Variants in PHC2 observed in about 807,000 individuals in gnomAD.
PHC2 encodes polyhomeotic-like protein 2.
Under a neutral mutation model 87.4 loss-of-function variants are expected in PHC2, and 29 were observed. The ratio of observed to expected loss-of-function variants is 0.33; its 90% CI spans 0.25 to 0.45. PHC2 has a LOEUF of 0.45. Among genes scored for constraint, PHC2 ranks in the 20% least tolerant of loss-of-function variants. The pLI is 1.00. For missense variants in PHC2, 857 were observed against 1,136.7 expected (o/e 0.75, Z 3.54); for synonymous variants, 438 against 461.7 (o/e 0.95, Z 0.66).
At chr1:33,370,974 C>T (rs916367351) in intron 4 of PHC2, 43 bp downstream of exon 4, 3 of 1,544,430 alleles carry the variant, frequency 1.9e-6, no homozygotes, top group Admixed American at 1.7e-5. Flanking sequence ...GCATTTTGGT[C>T]CTGGGGCTGT....
intron 9 of PHC2, among the ~76,000 whole-genome samples, 181 bp downstream of exon 9, chr1:33,354,220 C>T (rs974419875): frequency 2.6e-5 from 4 of 152,140 alleles, no homozygotes; most frequent in Non-Finnish European, 4.4e-5. Context: ...TAATATCTTC[C>T]GTGTCTCAAT....
intron 1 of PHC2, among the ~76,000 whole-genome samples, chr1:33,425,371 T>G (rs1296119867): frequency 6.6e-6 from 1 of 152,242 alleles, no homozygotes; most frequent in Non-Finnish European, 1.5e-5. Context: ...ACCTACGTTT[T>G]ATAAAGAATA....
At chr1:33,356,621 A>C (rs61801973) in intron 7 of PHC2, among the ~76,000 whole-genome samples, 42,647 of 151,962 alleles carry the variant, frequency 0.28, 6,795 homozygotes, top group Admixed American at 0.44. Context: ...AAGGTTATAG[A>C]TTAACAGCAT....
At chr1:33,339,602 C>T (rs1017342731) in intron 9 of PHC2, among the ~76,000 whole-genome samples, 1 of 152,170 alleles carries the variant, frequency 6.6e-6, no homozygotes, top group East Asian at 1.9e-4. Flanking sequence ...GGCAGGGAGG[C>T]TCCTAGGACC....
At chr1:33,384,427 G>C (rs1470682864) in intron 1 of PHC2, among the ~76,000 whole-genome samples, 27 of 152,240 alleles carry the variant, frequency 1.8e-4, no homozygotes, top group Admixed American at 1.8e-3. Context: ...TAGAATTTGA[G>C]ATGGGAAGAG....
At chr1:33,404,246 C>G (rs2148381570) in intron 1 of PHC2, among the ~76,000 whole-genome samples, 1 of 152,244 alleles carries the variant, frequency 6.6e-6, no homozygotes, top group East Asian at 1.9e-4. Context: ...AACAAATAGG[C>G]TTTTGTTTTT....
chr1:33,370,484 C>G lies in PHC2; in HGVS notation c.513G>C (p.Leu171Phe). 2 of 1,614,142 alleles carry G rather than the reference C, an allele frequency of 1.2e-6. No homozygotes were observed. Among genetic ancestry groups the G allele is most frequent in the Non-Finnish European group, 1.7e-6 (2 of 1,180,018 alleles). ...TCAGGGCTGGGGAAGACGTGTTGCCCAAGAGCACAGCCTGCTGAGCGATGC... is the reference window on the plus strand; with the variant it reads ...TCAGGGCTGGGGAAGACGTGTTGCCGAAGAGCACAGCCTGCTGAGCGATGC... ...ASGIAQQAVL[L>F]GNTSSPALTA... Residue 171 changes from leucine (L) to phenylalanine (F), a missense_variant, in exon 5 of 15, where the codon TTG becomes TTC. Leu to Phe is a conservative substitution (Grantham distance 22). Coordinates refer to ENST00000683057, the MANE Select transcript of PHC2 (RefSeq NM_001385109.1).
At chr1:33,325,050 T>C (rs1646339832) in intron 14 of PHC2, 31 bp from the exon 15 acceptor site, 1 of 1,576,008 alleles carries the variant, frequency 6.3e-7, no homozygotes. Flanking sequence ...ACAGTGTCAA[T>C]CCAAGCCGCC....
At chr1:33,414,160 T>G (rs192610808) in intron 1 of PHC2, among the ~76,000 whole-genome samples, 29 of 147,312 alleles carry the variant, frequency 2.0e-4, no homozygotes, top group Admixed American at 6.3e-4. Flanking sequence ...TGTTTACATA[T>G]GTATTCTCTC....
chr1:33,355,100 T>TGGG lies in PHC2; in HGVS notation c.1127_1129dup (p.Pro376dup). 4 of 1,611,230 alleles carry TGGG rather than the reference T, an allele frequency of 2.5e-6. No individual in the cohort carries two copies. The highest frequency in any genetic ancestry group is 3.4e-6 in the Non-Finnish European group (4 of 1,178,940). ...CACGCTTGGAGAGACTGAGGCGAGC[T>TGGG]GGGGGTGGGGCTCAGCTTGGAGCAC... On this transcript the variant is annotated inframe_insertion, in exon 8 of 15. Transcript: ENST00000683057.
intron 7 of PHC2, among the ~76,000 whole-genome samples, chr1:33,358,495 C>T (rs559622192): frequency 8.1e-4 from 124 of 152,282 alleles, no homozygotes; most frequent in South Asian, 1.9e-3. Flanking sequence ...TGATTTAACT[C>T]CAGCATTATC....
rs147050739 is a variant in PHC2 at position 33,412,317 on chromosome 1, G to C, written c.-55+18659C>G. Among the ~76,000 whole-genome samples, 239 of 152,324 alleles carry C rather than the reference G, an allele frequency of 1.6e-3. 1 individual carries two copies. The East Asian group carries it at 0.019, about 12-fold the overall frequency. On this transcript the variant is annotated intron_variant, in intron 1 of 14. Transcript: ENST00000683057. ...AGTAACTGGAAGAGCCAGAATTCTA[G>C]TTAGATTGGCCCTGGAGCCTTTCTC...
intron 1 of PHC2, among the ~76,000 whole-genome samples, chr1:33,423,105 C>G (rs1343548977): frequency 2.0e-5 from 3 of 152,056 alleles, no homozygotes; most frequent in Admixed American, 2.0e-4. Flanking sequence ...AGGCTGGAAC[C>G]CCAGCATTAT....
At chr1:33,345,983 A>G in intron 9 of PHC2, 11 of 985,152 alleles carry the variant, frequency 1.1e-5, no homozygotes, top group Non-Finnish European at 1.3e-5. Flanking sequence ...TAAAAACAGA[A>G]AACATATTCA....
At position 33,400,440 on chromosome 1, in the gene PHC2, C is replaced by T. The variant is rs183206581; in HGVS notation, c.-54-24847G>A. ...ATAGCAGCAAAGGCAAGAATGAAAA[C>T]GCTAGCAGTTAACATTTATTAAGCA... On this transcript the variant is annotated intron_variant, in intron 1 of 14. Coordinates refer to ENST00000683057, the MANE Select transcript of PHC2 (RefSeq NM_001385109.1). 1.8e-4 allele frequency among the ~76,000 whole-genome samples: 28 copies of T among 152,322 alleles called. 1 individual carries two copies. The South Asian group carries it at 3.1e-3, about 17-fold the overall frequency.
rs754720941 is a variant in PHC2 at position 33,324,166 on chromosome 1, G to A, written c.*699C>T. On this transcript the variant is annotated 3_prime_UTR_variant, in exon 15 of 15. Transcript: ENST00000683057. ...ATTCTTGGCTATTCCCCATCCTGAG[G>A]CTGAGTGGAGTCCAGGACAAAGCAC... 3 of 152,790 alleles carry A rather than the reference G, an allele frequency of 2.0e-5. No individual in the cohort carries two copies. Among genetic ancestry groups the A allele is most frequent in the Non-Finnish European group, 4.4e-5 (3 of 68,164 alleles). 9.5% of individuals were successfully genotyped at this position (152,790 alleles called of 1,614,324 possible).
In PHC2 at chr1:33,330,206, G is replaced by A. The variant is rs771428907; in HGVS notation, c.2013C>T (p.Asn671=). The change falls in exon 13 of 15, where the codon AAC becomes AAT. Residue 671 remains asparagine (N), a synonymous_variant. Coordinates refer to ENST00000683057, the MANE Select transcript of PHC2 (RefSeq NM_001385109.1). ...GTCCCACCCGTTTGGTGCATCCCAC[G>A]TTGTACCTTCAGGGACAGGGGAACA... ...FCSMACAKRY[N]VGCTKRVGLF... 6.2e-6 allele frequency: 10 copies of A among 1,614,098 alleles called. No homozygotes were observed. Among genetic ancestry groups the A allele is most frequent in the East Asian group, 2.2e-5 (1 of 44,880 alleles).
At chr1:33,417,828 C>T (rs1650274063) in intron 1 of PHC2, among the ~76,000 whole-genome samples, 1 of 151,934 alleles carries the variant, frequency 6.6e-6, no homozygotes, top group South Asian at 2.1e-4. Context: ...ACATTCTGGG[C>T]CATAAAATAA....
chr1:33,419,811 G>A (rs1379289772), intron 1 of PHC2, among the ~76,000 whole-genome samples: 3 of 151,798 alleles, frequency 2.0e-5, no homozygotes, highest in South Asian at 2.1e-4. Context: ...GGGTTTCACC[G>A]TGTTAGCCAG....
Sources: allele counts gnomAD v4.1 joint callset (sites outside exome capture counted in the v4.1 genomes callset), GRCh38; gene constraint gnomAD v4.1.1; transcripts MANE v1.5; gene names NCBI Gene and HGNC (gene_info 2026-07-23, HGNC 2026-07-21).